MTHFD1L: variants seen among roughly 807,000 people sequenced by gnomAD.
The protein encoded by MTHFD1L is monofunctional C1-tetrahydrofolate synthase, mitochondrial.
In MTHFD1L, 81 loss-of-function variants were observed where a neutral mutation model predicts 119.5. That is an observed-to-expected ratio of 0.68 (90% CI 0.57 to 0.82). MTHFD1L has a LOEUF of 0.82. Among genes scored for constraint, MTHFD1L ranks in the 40% least tolerant of loss-of-function variants. The pLI is 0.00. For synonymous variants in MTHFD1L, 430 were observed against 475.2 expected (o/e 0.90, Z 1.24); for missense variants, 1,125 against 1,253.4 (o/e 0.90, Z 1.55).
At chr6:151,040,561 C>G (rs911299736) in intron 26 of MTHFD1L, among the ~76,000 whole-genome samples, 1 of 151,948 alleles carries the variant, frequency 6.6e-6, no homozygotes, top group Non-Finnish European at 1.5e-5. Flanking sequence ...CAAAAATTAG[C>G]CAGGAGTCAT....
chr6:151,099,639 C>T, intron 27 of MTHFD1L: 1 of 1,605,718 alleles, frequency 6.2e-7, no homozygotes, highest in Non-Finnish European at 8.5e-7. Context: ...GGTGGAAACC[C>T]AGAGGCATTG....
At chr6:150,870,903 C>T (rs940773810) in intron 1 of MTHFD1L, among the ~76,000 whole-genome samples, 5 of 147,592 alleles carry the variant, frequency 3.4e-5, no homozygotes, top group East Asian at 2.0e-4. Flanking sequence ...GGAAACAGAG[C>T]GAGACTCCGT....
chr6:151,096,144 C>T (rs972045145), intron 27 of MTHFD1L, among the ~76,000 whole-genome samples: 8 of 152,192 alleles, frequency 5.3e-5, no homozygotes, highest in Non-Finnish European at 1.2e-4. Flanking sequence ...TTTGAACAGA[C>T]AGGTACTTGA....
intron 26 of MTHFD1L, among the ~76,000 whole-genome samples, chr6:151,058,065 C>G (rs1790200179): frequency 6.6e-6 from 1 of 152,250 alleles, no homozygotes; most frequent in Non-Finnish European, 1.5e-5. Flanking sequence ...GCATAAGCCA[C>G]CATGCCCAGC....
At chr6:150,876,016 C>A in intron 1 of MTHFD1L, 74 bp from the exon 2 acceptor site, 1 of 1,204,472 alleles carries the variant, frequency 8.3e-7, no homozygotes, top group Non-Finnish European at 1.2e-6. Flanking sequence ...GGAACTTTCA[C>A]AGAAAATGTG....
In MTHFD1L at chr6:150,922,295, G is replaced by A. The variant is rs779796264; in HGVS notation, c.1075G>A (p.Val359Met). ...HCLKLQPLSP[V>M]PSDIEISRGQ... ...CTTGAAACTTCAGCCTCTCTCCCCT[G>A]TGCCAAGGTAACACTGGTGTTTTAT... Residue 359 changes from valine (V) to methionine (M), a missense_variant, in exon 10 of 28, where the codon GTG (valine) becomes ATG (methionine). Around this residue, in one of 3 missense-constraint regions of MTHFD1L, gnomAD observed 1,058 missense variants for 1,151.2 expected, o/e 0.92. Coordinates refer to ENST00000367321, the MANE Select transcript of MTHFD1L (RefSeq NM_015440.5). 1.9e-6 allele frequency: 3 copies of A among 1,613,748 alleles called. No individual in the cohort carries two copies. In the South Asian group the frequency reaches 3.3e-5, roughly 18 times the overall value.
chr6:151,030,767 G>A (rs1481122010), intron 24 of MTHFD1L, among the ~76,000 whole-genome samples: 3 of 152,152 alleles, frequency 2.0e-5, no homozygotes, highest in African/African-American at 4.8e-5. Flanking sequence ...GTATAGGGAG[G>A]GCCTTGTATA....
In MTHFD1L at chr6:150,944,497, C is replaced by T. The variant is rs1466639287; in HGVS notation, c.1452C>T (p.His484=). The T allele has an allele frequency of 1.2e-5, 19 of 1,612,150 alleles. No individual in the cohort carries two copies. The highest frequency in any genetic ancestry group is 1.4e-5 in the Non-Finnish European group (17 of 1,178,622). Residue 484 remains histidine (H), a synonymous_variant, in exon 14 of 28, where the codon CAC becomes CAT. Transcript: ENST00000367321. The stretch of plus-strand genomic sequence containing the variant: ...TCTTATTTCTCTAGTTCAACCTTCA[C>T]TTGACTGGAGACATCCACGCCATCA... ...QVIPMEEFNL[H]LTGDIHAITA... is the part of the protein sequence containing the mutation.
intron 13 of MTHFD1L, among the ~76,000 whole-genome samples, chr6:150,942,336 CA>C (rs1793270404): frequency 6.6e-6 from 1 of 152,116 alleles, no homozygotes. Context: ...TTGGATTTTT[CA>C]AAATAGTTAT....
Position 151,040,671 on chromosome 6 carries a change from A to C in MTHFD1L, c.2847+3554A>C, listed in dbSNP as rs532077616. 1.6e-3 allele frequency among the ~76,000 whole-genome samples: 238 copies of C among 152,302 alleles called. 1 individual carries two copies. The highest frequency in any genetic ancestry group is 5.2e-3 in the African/African-American group (218 of 41,554). On this transcript the variant is annotated intron_variant, in intron 26 of 27. Coordinates refer to ENST00000367321, the MANE Select transcript of MTHFD1L (RefSeq NM_015440.5). ...CAGTGAGCTATGATCATATCATTGC[A>C]CTCCAGCCTGGGAGATAGAGTGAGA... is the stretch of plus-strand genomic sequence containing the variant.
chr6:151,099,917 G>A, intron 27 of MTHFD1L: 1 of 1,290,506 alleles, frequency 7.7e-7, no homozygotes, highest in Non-Finnish European at 1.1e-6. Flanking sequence ...AGGCTGTGCA[G>A]CGAAGAAAAT....
Position 150,947,993 on chromosome 6 carries a change from T to G in MTHFD1L, c.1624-1038T>G, listed in dbSNP as rs914012364. 2.6e-5 allele frequency among the ~76,000 whole-genome samples: 4 copies of G among 152,044 alleles called. 1 individual carries two copies. Among genetic ancestry groups the G allele is most frequent in the African/African-American group, 4.8e-5 (2 of 41,306 alleles). On this transcript the variant is annotated intron_variant, in intron 15 of 27. Transcript: ENST00000367321. ...CAAAGTTCAGTTTAGTTTAGTTTTT[T>G]TTTGTTTGTTTTTTGTTTTTTGTTT...
chr6:150,874,246 G>A (rs1359957113), intron 1 of MTHFD1L, among the ~76,000 whole-genome samples: 10 of 152,224 alleles, frequency 6.6e-5, no homozygotes, highest in Non-Finnish European at 1.5e-5. Context: ...TGGGAATGAA[G>A]TAGCTTTATC....
chr6:150,966,927 C>T (rs1277763094), intron 19 of MTHFD1L, among the ~76,000 whole-genome samples: 3 of 152,172 alleles, frequency 2.0e-5, no homozygotes, highest in Non-Finnish European at 2.9e-5. Flanking sequence ...GAGGACTGAA[C>T]GCCTTTGAAC....
At chr6:150,970,391 C>T (rs1797858957) in intron 19 of MTHFD1L, among the ~76,000 whole-genome samples, 1 of 152,198 alleles carries the variant, frequency 6.6e-6, no homozygotes, top group East Asian at 1.9e-4. Flanking sequence ...CGAGAGCACA[C>T]TGTCCAATAT....
At chr6:150,901,635 T>C (rs1286859811) in intron 7 of MTHFD1L, among the ~76,000 whole-genome samples, 1 of 152,138 alleles carries the variant, frequency 6.6e-6, no homozygotes, top group Non-Finnish European at 1.5e-5. Context: ...ACCACCTCAG[T>C]GTGGTAGAGC....
intron 6 of MTHFD1L, among the ~76,000 whole-genome samples, chr6:150,886,114 T>C (rs188995160): frequency 2.6e-4 from 39 of 152,298 alleles, no homozygotes; most frequent in African/African-American, 6.3e-4. Context: ...TATCAATATG[T>C]AGCCTTAGAT....
intron 20 of MTHFD1L, among the ~76,000 whole-genome samples, chr6:150,993,348 T>C (rs1206941455): frequency 1.3e-5 from 2 of 152,098 alleles, no homozygotes; most frequent in Non-Finnish European, 2.9e-5. Flanking sequence ...TTTTGGACAG[T>C]CTTGCCCTGT....
At chr6:151,046,680 T>A (rs1187763903) in intron 26 of MTHFD1L, among the ~76,000 whole-genome samples, 1 of 152,008 alleles carries the variant, frequency 6.6e-6, no homozygotes, top group Admixed American at 6.6e-5. Context: ...CTTTCTTCTA[T>A]GTCTCTTAGT....
Sources: allele counts gnomAD v4.1 joint callset (sites outside exome capture counted in the v4.1 genomes callset), GRCh38; gene constraint gnomAD v4.1.1; regional missense constraint gnomAD v4.1.1; transcripts MANE v1.5; gene names NCBI Gene and HGNC (gene_info 2026-07-23, HGNC 2026-07-21).